The following WDR59 variants were observed in gnomAD, a reference collection of about 807,000 sequenced individuals.
WDR59 encodes WD repeat domain 59.
In WDR59, 100 loss-of-function variants were observed where a neutral mutation model predicts 131.2. The observed-to-expected ratio is 0.76, with a 90% CI of 0.65 to 0.90. WDR59 has a LOEUF of 0.90. Ranked by LOEUF, WDR59 falls within the 40% of genes least tolerant of loss-of-function variation. The probability of loss-of-function intolerance (pLI) is 0.00; values close to 1 mark genes in which losing one functional copy is unlikely to be tolerated. For missense variants in WDR59, 1,203 were observed against 1,262.2 expected (o/e 0.95, Z 0.71); for synonymous variants, 601 against 466.2 (o/e 1.29, Z -3.72).
intron 7 of WDR59, among the ~76,000 whole-genome samples, chr16:74,941,703 A>AC (rs1214459009): frequency 6.6e-6 from 1 of 151,316 alleles, no homozygotes; most frequent in East Asian, 1.9e-4. Context: ...AGAAAAAAAA[A>AC]AAAAAGAAGA....
intron 6 of WDR59, among the ~76,000 whole-genome samples, chr16:74,944,177 T>C (rs544140310): frequency 1.3e-5 from 2 of 152,240 alleles, no homozygotes; most frequent in Admixed American, 6.5e-5. Flanking sequence ...AAGATCATTA[T>C]ACCAGAGGCC....
At chr16:74,886,039 A>G (rs575796441) in intron 24 of WDR59, 2 of 658,254 alleles carry the variant, frequency 3.0e-6, no homozygotes, top group African/African-American at 1.8e-5. Context: ...TTAGCCAGTC[A>G]TGGTGGCGTG....
intron 13 of WDR59, among the ~76,000 whole-genome samples, chr16:74,913,701 A>G (rs74573392): frequency 0.034 from 5,131 of 152,286 alleles, 142 homozygotes; most frequent in South Asian, 0.13. Context: ...GTTAAATACC[A>G]GACTCAACTT....
At chr16:74,950,070 A>C in intron 4 of WDR59, 4 of 458,282 alleles carry the variant, frequency 8.7e-6, no homozygotes, top group African/African-American at 2.0e-5. Context: ...GGCTGAGCGC[A>C]GCGGCTCACG....
chr16:74,950,305 C>T (rs775971542), intron 4 of WDR59, among the ~76,000 whole-genome samples: 3 of 152,122 alleles, frequency 2.0e-5, no homozygotes, highest in Non-Finnish European at 4.4e-5. Context: ...CCAGCCTGGG[C>T]AACAAGAGTG....
At chr16:74,977,913 A>G (rs1245818028) in intron 1 of WDR59, among the ~76,000 whole-genome samples, 2 of 152,170 alleles carry the variant, frequency 1.3e-5, no homozygotes, top group Non-Finnish European at 2.9e-5. Context: ...GCACTAGGCT[A>G]AGCAAAAGAC....
intron 8 of WDR59, among the ~76,000 whole-genome samples, chr16:74,925,010 T>C (rs2145017498): frequency 6.6e-6 from 1 of 152,270 alleles, no homozygotes; most frequent in East Asian, 1.9e-4. Context: ...AAATTGAAAG[T>C]ATCTGTTCAC....
chr16:74,881,215 C>G (rs1362915248), intron 25 of WDR59, among the ~76,000 whole-genome samples: 3 of 152,166 alleles, frequency 2.0e-5, no homozygotes, highest in Non-Finnish European at 2.9e-5. Flanking sequence ...TATTGAATCC[C>G]AATGAAACTA....
At chr16:74,978,300 G>A (rs1021400841) in intron 1 of WDR59, among the ~76,000 whole-genome samples, 3 of 133,806 alleles carry the variant, frequency 2.2e-5, no homozygotes, top group Admixed American at 8.8e-5. Context: ...CCAGCCTGGT[G>A]ACAGAGTGAG....
intron 1 of WDR59, among the ~76,000 whole-genome samples, chr16:74,980,590 G>T (rs2034361678): frequency 6.6e-6 from 1 of 152,030 alleles, no homozygotes; most frequent in South Asian, 2.1e-4. Context: ...CTGACCTCAG[G>T]TGATCTACCT....
chr16:74,980,842 A>T (rs1231001480), intron 1 of WDR59, among the ~76,000 whole-genome samples: 1 of 151,640 alleles, frequency 6.6e-6, no homozygotes, highest in African/African-American at 2.4e-5. Flanking sequence ...GTGGTGGGGC[A>T]CGCCTGTAAT....
intron 21 of WDR59, 114 bp from the exon 22 acceptor site, chr16:74,888,433 C>G: frequency 8.6e-7 from 1 of 1,160,838 alleles, no homozygotes; most frequent in Non-Finnish European, 1.2e-6. Flanking sequence ...AGTCTTGATT[C>G]TGCCTCAAAA....
In WDR59 at chr16:74,965,816, C is replaced by T. The variant is rs974449744; in HGVS notation, c.61G>A (p.Ala21Thr). ...VVEFRDSQAT[A>T]MSVDCLGQHA... ...TGCCCAAGACAGTCCACAGACATCG[C>T]AGTTGCCTGAGAGAGAGAACACAGA... The change falls in exon 2 of 26, where the codon GCG becomes ACG. Residue 21 changes from alanine to threonine, a missense_variant. Transcript: ENST00000262144. 1.4e-5 allele frequency: 23 copies of T among 1,613,940 alleles called. No individual in the cohort carries two copies. Among genetic ancestry groups the T allele is most frequent in the Non-Finnish European group, 1.6e-5 (19 of 1,179,996 alleles).
chr16:74,952,374 C>T (rs566345806), intron 3 of WDR59, among the ~76,000 whole-genome samples: 1 of 141,798 alleles, frequency 7.1e-6, no homozygotes, highest in Admixed American at 7.6e-5. Flanking sequence ...CCTGGGAGGT[C>T]GAGGCAATAG....
At chr16:74,964,918 G>A (rs1264544915) in intron 2 of WDR59, among the ~76,000 whole-genome samples, 2 of 152,100 alleles carry the variant, frequency 1.3e-5, no homozygotes, top group Non-Finnish European at 2.9e-5. Context: ...CAAAAAATGA[G>A]CTGGGCGTGG....
chr16:74,875,832 C>A (rs1597616526), intron 25 of WDR59, among the ~76,000 whole-genome samples: 1 of 152,320 alleles, frequency 6.6e-6, no homozygotes, highest in South Asian at 2.1e-4. Context: ...GCTGAGCAAT[C>A]CTGGAGAAAG....
At position 74,925,386 on chromosome 16, in the gene WDR59, A is replaced by C. The variant is rs139576066; in HGVS notation, c.652-1383T>G. 1.4e-3 allele frequency among the ~76,000 whole-genome samples: 217 copies of C among 152,062 alleles called. 1 individual carries two copies. The highest frequency in any genetic ancestry group is 5.0e-3 in the African/African-American group (208 of 41,476). ...TGGCGAAACCCCATCTCTACCAAAA[A>C]TACAAAAATTAGCTGGGCATGGTGG... On this transcript the variant is annotated intron_variant, in intron 8 of 25. Coordinates refer to ENST00000262144, the MANE Select transcript of WDR59 (RefSeq NM_030581.4).
At chr16:74,891,797 AT>A (rs1245717528) in intron 20 of WDR59, among the ~76,000 whole-genome samples, 2 of 152,186 alleles carry the variant, frequency 1.3e-5, no homozygotes, top group Non-Finnish European at 2.9e-5. Context: ...GGTGGCACGC[AT>A]CTATAATCCC....
At chr16:74,936,178 G>A (rs1471344559) in intron 8 of WDR59, among the ~76,000 whole-genome samples, 1 of 152,002 alleles carries the variant, frequency 6.6e-6, no homozygotes, top group East Asian at 1.9e-4. Flanking sequence ...CACCATGCCC[G>A]ACCACCCTTG....
Sources: gnomAD v4.1 joint callset for allele counts (sites outside exome capture counted in the v4.1 genomes callset) on GRCh38, gnomAD v4.1.1 for gene constraint, MANE v1.5 for transcripts, NCBI Gene and HGNC (gene_info 2026-07-23, HGNC 2026-07-21) for gene names.